KAZN: variants seen among roughly 807,000 people sequenced by gnomAD.
The protein encoded by KAZN is kazrin.
A neutral mutation model predicts 87.4 loss-of-function variants in KAZN; 40 were observed. That is an observed-to-expected ratio of 0.46 (90% CI 0.36 to 0.60). The LOEUF (loss-of-function observed/expected upper bound fraction) is 0.60. Among genes scored for constraint, KAZN ranks in the 20% least tolerant of loss-of-function variants. The pLI, the probability that KAZN is intolerant of heterozygous loss-of-function variation, is 0.00. For synonymous variants in KAZN, 466 were observed against 458.3 expected (o/e 1.02, Z -0.22); for missense variants, 898 against 1,073.9 (o/e 0.84, Z 2.29).
In KAZN at chr1:14,718,669, G is replaced by A. The variant is rs568451859; in HGVS notation, c.226+119446G>A. ...TTCAAGCTGTAGGTGTTTAGCACACGCGGGCAGTGCCAAGGACCTCACATG... is the reference window on the plus strand; with the variant it reads ...TTCAAGCTGTAGGTGTTTAGCACACACGGGCAGTGCCAAGGACCTCACATG... On this transcript the variant is annotated intron_variant, in intron 1 of 14. Transcript: ENST00000376030. 1.8e-4 allele frequency among the ~76,000 whole-genome samples: 28 copies of A among 152,260 alleles called. No individual in the cohort carries two copies. The South Asian group carries it at 5.6e-3, about 30-fold the overall frequency.
chr1:14,883,659 A>G (rs1024059281), intron 1 of KAZN, among the ~76,000 whole-genome samples: 1 of 152,214 alleles, frequency 6.6e-6, no homozygotes, highest in African/African-American at 2.4e-5. Context: ...TCTAATTTCA[A>G]GAGATTCAAG....
At chr1:14,608,183 C>T (rs781060807) in intron 1 of KAZN, among the ~76,000 whole-genome samples, 3 of 152,222 alleles carry the variant, frequency 2.0e-5, no homozygotes, top group African/African-American at 7.2e-5. Flanking sequence ...GCCAGTAGGA[C>T]GGTTTTGCTA....
At chr1:14,889,196 C>T (rs953527635) in intron 1 of KAZN, among the ~76,000 whole-genome samples, 11 of 152,170 alleles carry the variant, frequency 7.2e-5, no homozygotes, top group African/African-American at 2.2e-4. Context: ...CAGAAAATGT[C>T]ACAAGCCCAC....
At chr1:14,422,922 A>G (rs1310459484) in intron 2 of KAZN, among the ~76,000 whole-genome samples, 4 of 152,252 alleles carry the variant, frequency 2.6e-5, no homozygotes, top group Non-Finnish European at 4.4e-5. Flanking sequence ...ACTTCTAACA[A>G]GGAAACTCAG....
chr1:14,885,218 A>C (rs758386991), intron 1 of KAZN, among the ~76,000 whole-genome samples: 47 of 152,172 alleles, frequency 3.1e-4, no homozygotes, highest in Non-Finnish European at 5.9e-4. Context: ...CCAGGAGTCC[A>C]GCCTGGGGAA....
chr1:14,012,312 T>C (rs12566758), intron 1 of KAZN, among the ~76,000 whole-genome samples: 24,573 of 152,248 alleles, frequency 0.16, 2,073 homozygotes, highest in South Asian at 0.23. Context: ...GTGCAACTTA[T>C]AGCCATTGCA....
chr1:15,045,479 G>A (rs1166276177), intron 4 of KAZN, among the ~76,000 whole-genome samples: 1 of 152,168 alleles, frequency 6.6e-6, no homozygotes, highest in Non-Finnish European at 1.5e-5. Flanking sequence ...CTAAATCCAT[G>A]TATAACTTTT....
intron 2 of KAZN, among the ~76,000 whole-genome samples, chr1:15,032,168 T>C (rs1157524255): frequency 4.7e-5 from 7 of 148,586 alleles, no homozygotes; most frequent in African/African-American, 1.2e-4. Flanking sequence ...GATTTTCCCA[T>C]TGTGGACATT....
chr1:14,674,688 G>A lies in KAZN; in HGVS notation c.226+75465G>A, dbSNP rs148513409. On this transcript the variant is annotated intron_variant, in intron 1 of 14. Coordinates refer to ENST00000376030, the MANE Select transcript of KAZN (RefSeq NM_201628.3). Reference sequence around the variant, plus strand: ...TTCTTTGGCAGTGTAACTGGGTCCTGTAGCTGAAAGTAGACAGAGATTCAG... The same window carrying A: ...TTCTTTGGCAGTGTAACTGGGTCCTATAGCTGAAAGTAGACAGAGATTCAG... 5.9e-5 allele frequency among the ~76,000 whole-genome samples: 9 copies of A among 152,370 alleles called. No individual in the cohort carries two copies. The East Asian group carries it at 1.5e-3, about 26-fold the overall frequency.
intron 1 of KAZN, among the ~76,000 whole-genome samples, chr1:14,839,569 A>G (rs1327316164): frequency 6.6e-6 from 1 of 151,706 alleles, no homozygotes; most frequent in Non-Finnish European, 1.5e-5. Flanking sequence ...TCCAACCAAG[A>G]TATCCTTCCC....
chr1:14,227,620 A>G (rs1056413495), intron 2 of KAZN, among the ~76,000 whole-genome samples: 2 of 152,174 alleles, frequency 1.3e-5, no homozygotes, highest in African/African-American at 2.4e-5. Flanking sequence ...TCACTCTGAC[A>G]TACCCTCAGT....
chr1:15,048,695 GTTGAT>G (rs1557754544), intron 4 of KAZN, among the ~76,000 whole-genome samples: 17 of 144,916 alleles, frequency 1.2e-4, no homozygotes, highest in African/African-American at 2.8e-4. Context: ...GTCCTGGGTC[GTTGAT>G]CCTTGGTCGT....
chr1:13,953,063 G>T (rs894611738), intron 1 of KAZN, among the ~76,000 whole-genome samples: 4 of 152,180 alleles, frequency 2.6e-5, no homozygotes, highest in African/African-American at 7.2e-5. Flanking sequence ...AGGTATTCAA[G>T]TAGAAGCAAC....
chr1:14,394,418 C>G (rs1440711216), intron 2 of KAZN, among the ~76,000 whole-genome samples: 2 of 152,176 alleles, frequency 1.3e-5, no homozygotes, highest in Non-Finnish European at 2.9e-5. Context: ...AGTCACCTAC[C>G]CAGTGATTGA....
chr1:14,165,545 T>C (rs1645807449), intron 1 of KAZN, among the ~76,000 whole-genome samples: 1 of 152,200 alleles, frequency 6.6e-6, no homozygotes. Context: ...CTGCATCTGG[T>C]CTTGCATAAT....
At chr1:14,705,388 A>G (rs146556460) in intron 1 of KAZN, among the ~76,000 whole-genome samples, 194 of 152,332 alleles carry the variant, frequency 1.3e-3, no homozygotes, top group African/African-American at 4.5e-3. Context: ...TCCAAAAACT[A>G]CAACTAGAAC....
intron 1 of KAZN, among the ~76,000 whole-genome samples, chr1:14,733,452 T>G (rs12096885): frequency 0.24 from 36,345 of 152,024 alleles, 4,482 homozygotes; most frequent in East Asian, 0.28. Flanking sequence ...CTGCAACACT[T>G]CAGCAATAGT....
chr1:14,542,495 C>T (rs922734473), intron 2 of KAZN, among the ~76,000 whole-genome samples: 6 of 152,096 alleles, frequency 3.9e-5, no homozygotes, highest in African/African-American at 1.4e-4. Flanking sequence ...TATACATATA[C>T]TTCAGATTTT....
intron 2 of KAZN, among the ~76,000 whole-genome samples, chr1:14,202,354 GGC>G (rs1646656613): frequency 6.6e-6 from 1 of 152,202 alleles, no homozygotes; most frequent in South Asian, 2.1e-4. Context: ...TTTTAGGGAA[GGC>G]ATTCTAAATA....
Sources: gnomAD v4.1 joint callset for allele counts (sites outside exome capture counted in the v4.1 genomes callset) on GRCh38, gnomAD v4.1.1 for gene constraint, MANE v1.5 for transcripts, NCBI Gene and HGNC (gene_info 2026-07-23, HGNC 2026-07-21) for gene names.